The following SCAPER variants were observed in gnomAD, a reference collection of about 807,000 sequenced individuals.
The protein encoded by SCAPER is S phase cyclin A-associated protein in the endoplasmic reticulum.
Under a neutral mutation model 182.2 loss-of-function variants are expected in SCAPER, and 98 were observed. That is an observed-to-expected ratio of 0.54 (90% CI 0.46 to 0.64). The LOEUF (loss-of-function observed/expected upper bound fraction) is 0.64, where lower values mean the gene tolerates loss of function less well. Ranked by LOEUF, SCAPER falls within the 30% of genes least tolerant of loss-of-function variation. SCAPER has a pLI of 0.00. For synonymous variants in SCAPER, 605 were observed against 564.6 expected, an observed-to-expected ratio of 1.07 and a Z score of -1.01; for missense variants, 1,432 against 1,690.0, an observed-to-expected ratio of 0.85 and a Z score of 2.68.
chr15:76,802,943 T>C (rs1035164799), intron 6 of SCAPER, among the ~76,000 whole-genome samples: 2 of 152,222 alleles, frequency 1.3e-5, no homozygotes, highest in Admixed American at 6.5e-5. Flanking sequence ...TTTGATTATC[T>C]ATTTCTAGAG....
chr15:76,794,400 C>T (rs2065190909), intron 8 of SCAPER, among the ~76,000 whole-genome samples: 1 of 152,194 alleles, frequency 6.6e-6, no homozygotes, highest in Non-Finnish European at 1.5e-5. Context: ...TATTTTCCTA[C>T]CTCTTCCTAA....
intron 17 of SCAPER, among the ~76,000 whole-genome samples, chr15:76,713,470 T>C (rs2059707316): frequency 6.6e-6 from 1 of 151,998 alleles, no homozygotes; most frequent in Non-Finnish European, 1.5e-5. Flanking sequence ...TGAGTTCATG[T>C]CCTTTGTAGG....
chr15:76,748,052 G>A (rs951445784), intron 15 of SCAPER, among the ~76,000 whole-genome samples: 3 of 149,802 alleles, frequency 2.0e-5, no homozygotes, highest in East Asian at 2.0e-4. Context: ...GTACAATGGC[G>A]TGATCTTGGC....
intron 21 of SCAPER, among the ~76,000 whole-genome samples, chr15:76,639,718 C>T (rs1364283057): frequency 6.7e-6 from 1 of 148,848 alleles, no homozygotes; most frequent in Non-Finnish European, 1.5e-5. Context: ...ACAACCTATT[C>T]CCCCCAACCC....
intron 20 of SCAPER, among the ~76,000 whole-genome samples, chr15:76,679,095 A>G (rs530415708): frequency 6.6e-6 from 1 of 152,210 alleles, no homozygotes; most frequent in Non-Finnish European, 1.5e-5. Flanking sequence ...GGCATTAGGC[A>G]TATCAAATAA....
At chr15:76,864,220 C>T (rs969775326) in intron 2 of SCAPER, among the ~76,000 whole-genome samples, 1 of 152,200 alleles carries the variant, frequency 6.6e-6, no homozygotes, top group Non-Finnish European at 1.5e-5. Context: ...AGCCACGGGG[C>T]TCATTTTAGC....
At chr15:76,581,126 T>C (rs11072602) in intron 22 of SCAPER, among the ~76,000 whole-genome samples, 50,017 of 151,876 alleles carry the variant, frequency 0.33, 8,477 homozygotes, top group East Asian at 0.55. Flanking sequence ...ATGAGACCAG[T>C]AAACAACTAA....
At chr15:76,793,813 A>G (rs898416317) in intron 8 of SCAPER, among the ~76,000 whole-genome samples, 7 of 152,240 alleles carry the variant, frequency 4.6e-5, no homozygotes, top group East Asian at 1.9e-4. Flanking sequence ...GAGCACAGGT[A>G]AAATAACCTG....
intron 8 of SCAPER, among the ~76,000 whole-genome samples, chr15:76,777,189 C>T (rs540107403): frequency 6.6e-6 from 1 of 152,062 alleles, no homozygotes; most frequent in Non-Finnish European, 1.5e-5. Context: ...TCATCTGAAA[C>T]AATGGAAGCC....
chr15:76,591,040 C>A (rs767920533), intron 22 of SCAPER, among the ~76,000 whole-genome samples: 1 of 151,996 alleles, frequency 6.6e-6, no homozygotes, highest in South Asian at 2.1e-4. Flanking sequence ...TAACTGCAGG[C>A]GAGGTGGTGA....
intron 20 of SCAPER, among the ~76,000 whole-genome samples, chr15:76,678,912 G>A (rs1386274802): frequency 6.6e-6 from 1 of 152,132 alleles, no homozygotes; most frequent in Non-Finnish European, 1.5e-5. Context: ...AGTTAAGGAG[G>A]AATGATTCTC....
At chr15:76,727,297 T>C (rs951199401) in intron 17 of SCAPER, among the ~76,000 whole-genome samples, 3 of 152,020 alleles carry the variant, frequency 2.0e-5, no homozygotes, top group African/African-American at 7.2e-5. Context: ...AGACATGAAA[T>C]AGGGCCAGGA....
At chr15:76,593,508 C>A (rs2049282247) in intron 22 of SCAPER, among the ~76,000 whole-genome samples, 1 of 121,348 alleles carries the variant, frequency 8.2e-6, no homozygotes, top group African/African-American at 2.5e-5. Context: ...GGTCCCTGAT[C>A]CCCATGCCTC....
Position 76,724,215 on chromosome 15 carries a change from G to C in SCAPER, c.2165+4380C>G, listed in dbSNP as rs1262019766. Among the ~76,000 whole-genome samples, 4 of 149,910 alleles carry C rather than the reference G, an allele frequency of 2.7e-5. No individual in the cohort carries two copies. The Admixed American group carries it at 2.7e-4, about 10-fold the overall frequency. ...AGTTTGGCTGGATATGAAATACTGG[G>C]TTGAAAATTCTTTTCTTTAAGAATG... On this transcript the variant is annotated intron_variant, in intron 17 of 31. Transcript: ENST00000563290.
chr15:76,605,205 C>G (rs541470222), intron 22 of SCAPER, among the ~76,000 whole-genome samples: 1 of 152,278 alleles, frequency 6.6e-6, no homozygotes, highest in African/African-American at 2.4e-5. Context: ...CCATCAATAC[C>G]TAACTTATTG....
intron 21 of SCAPER, among the ~76,000 whole-genome samples, chr15:76,654,382 T>A (rs570299772): frequency 6.6e-6 from 1 of 152,290 alleles, no homozygotes; most frequent in South Asian, 2.1e-4. Flanking sequence ...CACTCCAGCC[T>A]GGGTGACAGA....
chr15:76,648,101 A>G (rs1243292259), intron 21 of SCAPER, among the ~76,000 whole-genome samples: 1 of 152,182 alleles, frequency 6.6e-6, no homozygotes, highest in Non-Finnish European at 1.5e-5. Flanking sequence ...CAGAAAATAT[A>G]AGCCATACTC....
chr15:76,455,119 C>T (rs2048632783), intron 25 of SCAPER, among the ~76,000 whole-genome samples: 1 of 152,052 alleles, frequency 6.6e-6, no homozygotes, highest in Non-Finnish European at 1.5e-5. Context: ...AGCCTAAGTA[C>T]TTAAGAATTT....
At chr15:76,901,002 T>C (rs908218771) in intron 1 of SCAPER, among the ~76,000 whole-genome samples, 3 of 152,196 alleles carry the variant, frequency 2.0e-5, no homozygotes, top group Non-Finnish European at 2.9e-5. Flanking sequence ...TTTAATGTTG[T>C]CACAGGCATA....
Sources: allele counts gnomAD v4.1 joint callset (sites outside exome capture counted in the v4.1 genomes callset), GRCh38; gene constraint gnomAD v4.1.1; transcripts MANE v1.5; gene names NCBI Gene and HGNC (gene_info 2026-07-23, HGNC 2026-07-21).